RUFY1: variants seen among roughly 807,000 people sequenced by gnomAD.
The protein encoded by RUFY1 is RUN and FYVE domain containing 1.
A neutral mutation model predicts 94.6 loss-of-function variants in RUFY1; 54 were observed. That is an observed-to-expected ratio of 0.57 (90% CI 0.46 to 0.72). The LOEUF is 0.72. RUFY1 is among the 30% of genes least tolerant of loss of function. RUFY1 has a pLI of 0.00. For synonymous variants in RUFY1, 396 were observed against 347.3 expected, an observed-to-expected ratio of 1.14 and a Z score of -1.56; for missense variants, 883 against 883.9, an observed-to-expected ratio of 1.00 and a Z score of 0.01.
chr5:179,608,321 C>CA (rs1192370012), intron 17 of RUFY1: 1 of 985,594 alleles, frequency 1.0e-6, no homozygotes, highest in African/African-American at 1.7e-5. Flanking sequence ...ACAGCTACCC[C>CA]ACCCGCTCCC....
chr5:179,555,075 A>G (rs66890351), intron 1 of RUFY1, among the ~76,000 whole-genome samples: 10,730 of 152,232 alleles, frequency 0.07, 426 homozygotes, highest in South Asian at 0.12. Context: ...CTCTCTCAAC[A>G]CTGGCTGTTT....
At chr5:179,592,256 A>G (rs1449864881) in intron 10 of RUFY1, among the ~76,000 whole-genome samples, 2 of 152,104 alleles carry the variant, frequency 1.3e-5, no homozygotes, top group African/African-American at 4.8e-5. Flanking sequence ...AGTAGCTGGG[A>G]CTACAGGCAT....
At chr5:179,600,996 G>A (rs2127569570) in intron 14 of RUFY1, among the ~76,000 whole-genome samples, 1 of 151,846 alleles carries the variant, frequency 6.6e-6, no homozygotes, top group South Asian at 2.1e-4. Flanking sequence ...GCGCCCAGCT[G>A]AGGGTAACTA....
chr5:179,607,489 CTA>C, intron 16 of RUFY1, 91 bp from the exon 17 acceptor site: 1 of 985,588 alleles, frequency 1.0e-6, no homozygotes, highest in South Asian at 1.3e-5. Flanking sequence ...GAAACAGGTG[CTA>C]TGAGGGACAA....
rs960637579 is a variant in RUFY1, at chr5:179,571,898, C to T, written c.828+2473C>T. ...CTTTATTAAAGACTAAGCACATTGA[C>T]CCTTTTTCAGAATTATTTGTTATAA... On this transcript the variant is annotated intron_variant, in intron 5 of 17. Coordinates refer to ENST00000319449, the MANE Select transcript of RUFY1 (RefSeq NM_025158.5). Among the ~76,000 whole-genome samples, 3 of 151,616 alleles carry T rather than the reference C, an allele frequency of 2.0e-5. No homozygotes were observed. The South Asian group carries it at 6.3e-4, about 32-fold the overall frequency.
At chr5:179,580,219 G>GTGTGTGTGTGTA (rs1764009349) in intron 6 of RUFY1, among the ~76,000 whole-genome samples, 1 of 57,222 alleles carries the variant, frequency 1.7e-5, no homozygotes, top group Non-Finnish European at 3.9e-5. Flanking sequence ...GTGTGTGTGT[G>GTGTGTGTGTGTA]TGTGTGTGTG....
intron 12 of RUFY1, among the ~76,000 whole-genome samples, chr5:179,595,684 T>C (rs899523470): frequency 6.6e-6 from 1 of 152,164 alleles, no homozygotes; most frequent in Admixed American, 6.5e-5. Flanking sequence ...CCCAAGTAGC[T>C]GGGATTACAG....
intron 8 of RUFY1, among the ~76,000 whole-genome samples, chr5:179,587,024 T>C (rs144241718): frequency 1.7e-4 from 26 of 152,286 alleles, no homozygotes; most frequent in Middle Eastern, 3.4e-3. Flanking sequence ...GAAGCTCCAA[T>C]TGAGCTTTTG....
At chr5:179,603,060 G>A (rs1766612251) in intron 15 of RUFY1, among the ~76,000 whole-genome samples, 1 of 152,162 alleles carries the variant, frequency 6.6e-6, no homozygotes, top group African/African-American at 2.4e-5. Flanking sequence ...CTGAGGTCAG[G>A]AGTTCGAGAC....
chr5:179,572,414 A>C (rs756335729), intron 5 of RUFY1: 11 of 193,720 alleles, frequency 5.7e-5, no homozygotes, highest in Non-Finnish European at 8.8e-5. Context: ...GGCTTGGATC[A>C]ACAACCCCCA....
chr5:179,560,704 C>T lies in RUFY1; in HGVS notation c.484+506C>T, dbSNP rs1291688120. Among the ~76,000 whole-genome samples the T allele has an allele frequency of 2.4e-4, 25 of 105,626 alleles. 1 individual carries two copies. Among genetic ancestry groups the T allele is most frequent in the South Asian group, 5.7e-4 (2 of 3,504 alleles). 69.3% of individuals were successfully genotyped at this position (105,626 alleles called of 152,430 possible). A position where few individuals can be genotyped will look rare whatever the true frequency, so the allele number is the denominator to read the frequency against. On this transcript the variant is annotated intron_variant, in intron 2 of 17. Transcript: ENST00000319449. ...TCGCGCCACTGCACTCCAGCTTGGG[C>T]AACAGAGCAAGACTCCGTCTCAAAA...
chr5:179,553,632 G>C (rs1022809754), intron 1 of RUFY1, among the ~76,000 whole-genome samples: 2 of 151,232 alleles, frequency 1.3e-5, no homozygotes, highest in South Asian at 4.2e-4. Flanking sequence ...AAAAAAAAAA[G>C]TACAAAAATT....
chr5:179,566,884 T>A (rs1480961873), intron 3 of RUFY1, among the ~76,000 whole-genome samples: 1 of 151,874 alleles, frequency 6.6e-6, no homozygotes, highest in Non-Finnish European at 1.5e-5. Context: ...GGCAAAACCC[T>A]GTCTCTACTA....
rs185068585 is a variant in RUFY1, at chr5:179,575,983, G to A, written c.829-1092G>A. Among the ~76,000 whole-genome samples, 20 of 152,180 alleles carry A rather than the reference G, an allele frequency of 1.3e-4. No homozygotes were observed. The East Asian group carries it at 3.1e-3, about 24-fold the overall frequency. On this transcript the variant is annotated intron_variant, in intron 5 of 17. Transcript: ENST00000319449. Reference sequence around the variant, plus strand: ...TTTTGTGGACACAGGGTCTCACTGTGTTGCCCAGGCTGGTCTTGAACTCCT... The same window carrying A: ...TTTTGTGGACACAGGGTCTCACTGTATTGCCCAGGCTGGTCTTGAACTCCT...
Position 179,560,017 on chromosome 5 carries a change from C to T in RUFY1, c.311-8C>T. ...ACTAACGAAGCTATCCCTGCTCCTG[C>T]CCCACAGCTTCTAAGTGCCAGATGA... On this transcript the variant is annotated splice_region_variant and splice_polypyrimidine_tract_variant and intron_variant, in intron 1 of 17. Transcript: ENST00000319449. 6.2e-7 allele frequency: 1 copy of T among 1,611,788 alleles called. No individual in the cohort carries two copies. The highest frequency in any genetic ancestry group is 1.1e-5 in the South Asian group (1 of 90,842).
At chr5:179,551,072 C>T (rs2127499329) in intron 1 of RUFY1, among the ~76,000 whole-genome samples, 193 bp downstream of exon 1, 1 of 147,406 alleles carries the variant, frequency 6.8e-6, no homozygotes, top group East Asian at 2.0e-4. Context: ...CCCCCGCAGC[C>T]CCGCGTGCCT....
chr5:179,607,777 C>G, intron 17 of RUFY1, 118 bp downstream of exon 17: 1 of 852,612 alleles, frequency 1.2e-6, no homozygotes, highest in East Asian at 2.6e-5. Context: ...ACTGTGCTGA[C>G]TGTGGCAGAT....
intron 13 of RUFY1, among the ~76,000 whole-genome samples, chr5:179,597,725 A>G (rs1765814731): frequency 7.9e-6 from 1 of 126,296 alleles, no homozygotes; most frequent in Non-Finnish European, 1.9e-5. Context: ...ATGTTGAGAG[A>G]AGAGAGAAGA....
intron 7 of RUFY1, among the ~76,000 whole-genome samples, chr5:179,585,172 A>C (rs1462724562): frequency 6.6e-6 from 1 of 152,198 alleles, no homozygotes; most frequent in African/African-American, 2.4e-5. Context: ...TTCTACCCAA[A>C]AATACTAATA....
Sources: allele counts gnomAD v4.1 joint callset (sites outside exome capture counted in the v4.1 genomes callset), GRCh38; gene constraint gnomAD v4.1.1; transcripts MANE v1.5; gene names NCBI Gene and HGNC (gene_info 2026-07-23, HGNC 2026-07-21).